MKI67: variants seen among roughly 807,000 people sequenced by gnomAD.
The protein encoded by MKI67 is proliferation marker protein Ki-67.
Under a neutral mutation model 233.5 loss-of-function variants are expected in MKI67, and 152 were observed. The observed-to-expected ratio is 0.65, with a 90% CI of 0.57 to 0.74. The LOEUF is 0.74. Among genes scored for constraint, MKI67 ranks in the 30% least tolerant of loss-of-function variants. The probability of loss-of-function intolerance (pLI) is 0.00; values close to 1 mark genes in which losing one functional copy is unlikely to be tolerated. For missense variants in MKI67, 3,940 were observed against 3,885.2 expected (o/e 1.01, Z -0.37); for synonymous variants, 1,465 against 1,418.5 (o/e 1.03, Z -0.74).
chr10:128,102,125 G>T (rs1429634129), intron 13 of MKI67, among the ~76,000 whole-genome samples: 1 of 152,180 alleles, frequency 6.6e-6, no homozygotes, highest in African/African-American at 2.4e-5. Context: ...TGCATGCAGT[G>T]GGAGCCTCTC....
intron 7 of MKI67, among the ~76,000 whole-genome samples, 162 bp downstream of exon 7, chr10:128,114,766 A>T (rs1328652157): frequency 6.6e-6 from 1 of 152,162 alleles, no homozygotes; most frequent in Non-Finnish European, 1.5e-5. Context: ...TTCAGTATTC[A>T]TCTATTAGCG....
intron 14 of MKI67, among the ~76,000 whole-genome samples, chr10:128,101,020 A>G (rs1320690508): frequency 6.6e-6 from 1 of 152,256 alleles, no homozygotes; most frequent in Non-Finnish European, 1.5e-5. Flanking sequence ...TTCTTTCTGA[A>G]GAAAGTCTTC....
chr10:128,103,322 T>A lies in MKI67; in HGVS notation c.8518A>T (p.Arg2840Ter), dbSNP rs778199347. ...ELEDTATSSK[R>*]RPRTRAQKVE... is the part of the protein sequence containing the mutation. Reference sequence around the variant, plus strand: ...TTCTGGGCACGTGTCCTGGGCCGTCTCTTTGAGCTTGTTGCGGTGTCTTCT... The same window carrying A: ...TTCTGGGCACGTGTCCTGGGCCGTCACTTTGAGCTTGTTGCGGTGTCTTCT... The change falls in exon 13 of 15, where the codon AGA becomes TGA. Residue 2840 changes from arginine (R) to a stop codon, truncating the protein, a stop_gained. Coordinates refer to ENST00000368654, the MANE Select transcript of MKI67 (RefSeq NM_002417.5). LOFTEE classifies it high-confidence loss of function. The A allele has an allele frequency of 6.2e-7, 1 of 1,614,068 alleles. No individual in the cohort carries two copies. The highest frequency in any genetic ancestry group is 1.3e-5 in the African/African-American group (1 of 74,918).
rs773249927 is a variant in MKI67, at chr10:128,106,426, T to G, written c.5414A>C (p.Lys1805Thr). The G allele has an allele frequency of 8.1e-6, 13 of 1,613,526 alleles. No homozygotes were observed. The highest frequency in any genetic ancestry group is 1.7e-4 in the Middle Eastern group (1 of 6,060). ...INTFLGTPVQ[K>T]LDQPGNLPGS... is the part of the protein sequence containing the mutation. Reference sequence around the variant, plus strand: ...AGGTAAATTTCCTGGCTGGTCCAGTTTCTGCACTGGAGTTCCCAAAAACGT... The same window carrying G: ...AGGTAAATTTCCTGGCTGGTCCAGTGTCTGCACTGGAGTTCCCAAAAACGT... Residue 1805 changes from lysine (K) to threonine (T), a missense_variant, in exon 13 of 15, where the codon AAA becomes ACA. Transcript: ENST00000368654.
At chr10:128,109,723 G>A (rs529181169) in intron 12 of MKI67, among the ~76,000 whole-genome samples, 12 of 152,300 alleles carry the variant, frequency 7.9e-5, no homozygotes, top group African/African-American at 2.4e-4. Context: ...TGTCATTGAC[G>A]TAAATATAGG....
rs1369537548 is a variant in MKI67, at chr10:128,097,458, C to T, written c.*1732G>A. ...GAGAAAAGGTGCTGACATACTTCAG[C>T]AAGATTTCTGGTTAGAGCTGAACTC... is the stretch of plus-strand genomic sequence containing the variant. On this transcript the variant is annotated 3_prime_UTR_variant, in exon 15 of 15. Transcript: ENST00000368654. The T allele has an allele frequency of 6.6e-6, 1 of 152,108 alleles. No homozygotes were observed. The highest frequency in any genetic ancestry group is 1.9e-4 in the East Asian group (1 of 5,182). The allele number at this position is 152,108 out of a possible 1,614,324, so 9.4% of individuals were successfully genotyped here.
Position 128,115,957 on chromosome 10 carries a change from CTT to C in MKI67, c.449_450del (p.Lys150SerfsTer20), listed in dbSNP as rs1852797475. 1 of 1,607,492 alleles carries C rather than the reference CTT, an allele frequency of 6.2e-7. No individual in the cohort carries two copies. On this transcript the variant is annotated frameshift_variant, in exon 7 of 15. Transcript: ENST00000368654. LOFTEE classifies it high-confidence loss of function. ...SKAYSKITEG[K>X]VSGNPQVHIK... ...ATATGTACCTGAGGATTTCCTGAAA[CTT>C]TTCCTTCAGTGATTTTTGAATAGGC... is the stretch of plus-strand genomic sequence containing the variant.
rs1432949303 is a variant in MKI67 at position 128,104,456 on chromosome 10, C to T, written c.7384G>A (p.Val2462Ile). The T allele has an allele frequency of 3.1e-6, 5 of 1,613,554 alleles. No individual in the cohort carries two copies. The highest frequency in any genetic ancestry group is 1.7e-5 in the Admixed American group (1 of 59,978). ...TCTGGCTGTGGAGATTTACAGGATACTTCTGTGATTTTGTCATCAGTCATT... is the reference window on the plus strand; with the variant it reads ...TCTGGCTGTGGAGATTTACAGGATATTTCTGTGATTTTGTCATCAGTCATT... Reference protein sequence around the residue: ...ESMTDDKITEVSCKSPQPESF... With the variant: ...ESMTDDKITEISCKSPQPESF... Residue 2462 changes from valine (V) to isoleucine (I), a missense_variant, in exon 13 of 15, where the codon GTA (valine) becomes ATA (isoleucine). Transcript: ENST00000368654.
Position 128,098,325 on chromosome 10 carries a change from G to T in MKI67, c.*865C>A, listed in dbSNP as rs945888034. 1.3e-5 allele frequency: 2 copies of T among 152,198 alleles called. No homozygotes were observed. The highest frequency in any genetic ancestry group is 4.8e-5 in the African/African-American group (2 of 41,436). 9.4% of individuals were successfully genotyped at this position (152,198 alleles called of 1,614,324 possible). On this transcript the variant is annotated 3_prime_UTR_variant, in exon 15 of 15. Transcript: ENST00000368654. ...TTACAGAGTACTGGTGTCACTTCCT[G>T]TACTGGGTGGCATCGGGCTGCCAGA...
At position 128,101,483 on chromosome 10, in the gene MKI67, T is replaced by A; in HGVS notation, c.9480A>T (p.Arg3160Ser). 6.2e-7 allele frequency: 1 copy of A among 1,614,246 alleles called. No individual in the cohort carries two copies. The highest frequency in any genetic ancestry group is 8.5e-7 in the Non-Finnish European group (1 of 1,180,032). ...CCTTAGGCTGGGAGCTCTCATTCTG[T>A]CTAGCAGACCTCAAGCACCTTTTGT... The part of the protein sequence containing the change: ...TENKRCLRSA[R>S]QNESSQPKVA... Residue 3160 changes from arginine to serine, a missense_variant, in exon 14 of 15, where the codon AGA (arginine) becomes AGT (serine). By Grantham distance (110) the Arg-to-Ser change is moderately radical. Coordinates refer to ENST00000368654, the MANE Select transcript of MKI67 (RefSeq NM_002417.5).
Position 128,103,641 on chromosome 10 carries a change from T to A in MKI67, c.8199A>T (p.Val2733=). Residue 2733 remains valine (V), a synonymous_variant, in exon 13 of 15, where the codon GTA becomes GTT. Transcript: ENST00000368654. The part of the protein sequence containing the change: ...HLRTRVQKVQ[V]KEEPSAVKFT... ...ACTTGACTGCTGAAGGCTCTTCTTTTACTTGTACCTTCTGCACACGTGTCC... is the reference window on the plus strand; with the variant it reads ...ACTTGACTGCTGAAGGCTCTTCTTTAACTTGTACCTTCTGCACACGTGTCC... 1 of 1,614,168 alleles carries A rather than the reference T, an allele frequency of 6.2e-7. No homozygotes were observed. The highest frequency in any genetic ancestry group is 2.2e-5 in the East Asian group (1 of 44,864).
At position 128,102,655 on chromosome 10, in the gene MKI67, G is replaced by C; in HGVS notation, c.9185C>G (p.Ala3062Gly). ...CATGTCGTTGCTGTTCAGCTCTTCC[G>C]CAGGTTCAATTCTTTTTGCAGAAGT... Reference protein sequence around the residue: ...LRTSAKRIEPAEELNSNDMKT... With the variant: ...LRTSAKRIEPGEELNSNDMKT... The change falls in exon 13 of 15, where the codon GCG (alanine) becomes GGG (glycine). Residue 3062 changes from alanine to glycine, a missense_variant. Ala to Gly is a moderately conservative substitution (Grantham distance 60, BLOSUM62 0). Transcript: ENST00000368654. The C allele has an allele frequency of 6.2e-7, 1 of 1,614,144 alleles. No homozygotes were observed. The highest frequency in any genetic ancestry group is 8.5e-7 in the Non-Finnish European group (1 of 1,180,034).
In MKI67 at chr10:128,099,722, G is replaced by C. The variant is rs373446328; in HGVS notation, c.9706-467C>G. Among the ~76,000 whole-genome samples, 21 of 152,306 alleles carry C rather than the reference G, an allele frequency of 1.4e-4. No homozygotes were observed. In the East Asian group the frequency reaches 3.9e-3, roughly 28 times the overall value. The stretch of plus-strand genomic sequence containing the variant: ...AGTAGTTCTCACCCCTTGGCTAAGG[G>C]AGAGGAACCATGGTGAAAAGCATGG... On this transcript the variant is annotated intron_variant, in intron 14 of 14. Coordinates refer to ENST00000368654, the MANE Select transcript of MKI67 (RefSeq NM_002417.5).
rs1444304652 is a variant in MKI67, at chr10:128,115,173, G to A, written c.1235C>T (p.Ala412Val). ...PAKVEDAADS[A>V]TKPENLSSKT... ...GGAAGAGAGATTTTCTGGCTTAGTG[G>A]CAGAGTCAGCTGCATCTTCAACTTT... is the stretch of plus-strand genomic sequence containing the variant. Residue 412 changes from alanine to valine, a missense_variant, in exon 7 of 15, where the codon GCC (alanine) becomes GTC (valine). By Grantham distance (64) the Ala-to-Val change is moderately conservative. Transcript: ENST00000368654. 2 of 1,614,066 alleles carry A rather than the reference G, an allele frequency of 1.2e-6. No homozygotes were observed. Among genetic ancestry groups the A allele is most frequent in the African/African-American group, 2.7e-5 (2 of 74,918 alleles).
rs1309340068 is a variant in MKI67 at position 128,111,640 on chromosome 10, T to C, written c.2260+5A>G. On this transcript the variant is annotated splice_donor_5th_base_variant and intron_variant, in intron 11 of 14. Transcript: ENST00000368654. ...GATTTATAAGATCTAAGACTACGTT[T>C]TTACCTGAAAGATCTTCCTTAAAGT... 20 of 1,608,608 alleles carry C rather than the reference T, an allele frequency of 1.2e-5. No homozygotes were observed. In the East Asian group the frequency reaches 4.5e-4, roughly 36 times the overall value.
rs1778785966 is a variant in MKI67 at position 128,098,347 on chromosome 10, CAGAT to C, written c.*839_*842del. On this transcript the variant is annotated 3_prime_UTR_variant, in exon 15 of 15. Transcript: ENST00000368654. ...CCTGTACTGGGTGGCATCGGGCTGC[CAGAT>C]AGAGTCAGAAAGAAAACAGGCGGGA... 6.6e-6 allele frequency: 1 copy of C among 152,212 alleles called. No homozygotes were observed. The highest frequency in any genetic ancestry group is 6.5e-5 in the Admixed American group (1 of 15,274). 9.4% of individuals were successfully genotyped at this position (152,212 alleles called of 1,614,324 possible).
At chr10:128,114,809 C>A in intron 7 of MKI67, 119 bp downstream of exon 7, 2 of 1,005,264 alleles carry the variant, frequency 2.0e-6, no homozygotes, top group Non-Finnish European at 2.9e-6. Context: ...TATCCCTGTG[C>A]CTTATGTGCT....
rs1852681844 is a variant in MKI67, at chr10:128,111,749, A to G, written c.2156T>C (p.Ile719Thr). Residue 719 changes from isoleucine (I) to threonine (T), a missense_variant, in exon 11 of 15, where the codon ATA becomes ACA. Coordinates refer to ENST00000368654, the MANE Select transcript of MKI67 (RefSeq NM_002417.5). ...TACTTTTTCAGTATGAGCTTTCCCTATTATTATGGTACAAGGAGAGTTTGC... is the reference window on the plus strand; with the variant it reads ...TACTTTTTCAGTATGAGCTTTCCCTGTTATTATGGTACAAGGAGAGTTTGC... ...GHANSPCTII[I>T]GKAHTEKVHV... 6.2e-6 allele frequency: 10 copies of G among 1,614,114 alleles called. No homozygotes were observed. Among genetic ancestry groups the G allele is most frequent in the African/African-American group, 1.3e-5 (1 of 75,034 alleles).
Position 128,098,491 on chromosome 10 carries a change from G to A in MKI67, c.*699C>T, listed in dbSNP as rs1852261949. The A allele has an allele frequency of 6.6e-6, 1 of 152,226 alleles. No homozygotes were observed. The highest frequency in any genetic ancestry group is 2.4e-5 in the African/African-American group (1 of 41,438). 9.4% of individuals were successfully genotyped at this position (152,226 alleles called of 1,614,324 possible). ...CCCTGAGATTCCGCGGGTGGAGAAT[G>A]TCTCAGGTGAGAGCAACCCTAGTTA... On this transcript the variant is annotated 3_prime_UTR_variant, in exon 15 of 15. Transcript: ENST00000368654.
Sources: allele counts gnomAD v4.1 joint callset (sites outside exome capture counted in the v4.1 genomes callset), GRCh38; gene constraint gnomAD v4.1.1; transcripts MANE v1.5; gene names NCBI Gene and HGNC (gene_info 2026-07-23, HGNC 2026-07-21).